MDGA2: variants seen among roughly 807,000 people sequenced by gnomAD.
The protein encoded by MDGA2 is MAM domain containing glycosylphosphatidylinositol anchor 2, also known as MAM domain-containing glycosylphosphatidylinositol anchor protein 2.
Under a neutral mutation model 117.8 loss-of-function variants are expected in MDGA2, and 40 were observed. The observed-to-expected ratio is 0.34, with a 90% CI of 0.26 to 0.44. The LOEUF (loss-of-function observed/expected upper bound fraction) is 0.44. Ranked by LOEUF, MDGA2 falls within the 20% of genes least tolerant of loss-of-function variation. The pLI is 1.00. For missense variants in MDGA2, 1,123 were observed against 1,250.6 expected, an observed-to-expected ratio of 0.90 and a Z score of 1.54; for synonymous variants, 452 against 439.0, an observed-to-expected ratio of 1.03 and a Z score of -0.37.
At chr14:46,862,510 T>C (rs1881552661) in intron 14 of MDGA2, among the ~76,000 whole-genome samples, 2 of 150,520 alleles carry the variant, frequency 1.3e-5, no homozygotes, top group Non-Finnish European at 3.0e-5. Flanking sequence ...CTTTTAATTA[T>C]TGTACTATAA....
At chr14:47,033,069 A>G (rs1414765549) in intron 8 of MDGA2, among the ~76,000 whole-genome samples, 1 of 152,156 alleles carries the variant, frequency 6.6e-6, no homozygotes, top group Non-Finnish European at 1.5e-5. Context: ...TTTTTACTCA[A>G]TTATGTTCAT....
At chr14:46,862,327 G>T (rs1881543252) in intron 14 of MDGA2, among the ~76,000 whole-genome samples, 1 of 151,222 alleles carries the variant, frequency 6.6e-6, no homozygotes, top group South Asian at 2.1e-4. Flanking sequence ...CACAAGTGCT[G>T]TCTTATCTCA....
intron 1 of MDGA2, among the ~76,000 whole-genome samples, chr14:47,456,652 T>A (rs531390962): frequency 5.3e-4 from 81 of 152,146 alleles, no homozygotes; most frequent in African/African-American, 1.9e-3. Context: ...TATAAGATAG[T>A]GGACAAATCA....
chr14:47,350,589 G>A (rs1001024446), intron 1 of MDGA2, among the ~76,000 whole-genome samples: 9 of 152,268 alleles, frequency 5.9e-5, no homozygotes, highest in Admixed American at 1.3e-4. Context: ...GTGTGTGTGC[G>A]CGCACACGTG....
At chr14:47,271,059 A>G (rs1490565342) in intron 2 of MDGA2, among the ~76,000 whole-genome samples, 3 of 152,146 alleles carry the variant, frequency 2.0e-5, no homozygotes, top group Non-Finnish European at 2.9e-5. Flanking sequence ...TCTTGAATGC[A>G]TATGCTCTGC....
intron 1 of MDGA2, among the ~76,000 whole-genome samples, chr14:47,389,239 T>C (rs1247738059): frequency 6.6e-6 from 1 of 152,038 alleles, no homozygotes; most frequent in Admixed American, 6.6e-5. Context: ...ATCCATGAAA[T>C]GAAAAAATAA....
chr14:47,196,998 CATT>C (rs1489453462), intron 3 of MDGA2, among the ~76,000 whole-genome samples: 1 of 152,140 alleles, frequency 6.6e-6, no homozygotes, highest in Non-Finnish European at 1.5e-5. Context: ...GACATGATTT[CATT>C]ATTTTGTATG....
At chr14:47,439,462 T>C (rs1892959628) in intron 1 of MDGA2, among the ~76,000 whole-genome samples, 7 of 152,256 alleles carry the variant, frequency 4.6e-5, no homozygotes, top group Admixed American at 3.3e-4. Flanking sequence ...GAAACATTTG[T>C]AAAATGAATG....
At chr14:47,658,305 T>A (rs552593101) in intron 1 of MDGA2, among the ~76,000 whole-genome samples, 17 of 152,280 alleles carry the variant, frequency 1.1e-4, no homozygotes, top group African/African-American at 3.1e-4. Context: ...TCTTACCTAG[T>A]TCTGGTAGGA....
At chr14:47,419,958 A>T (rs1463265938) in intron 1 of MDGA2, among the ~76,000 whole-genome samples, 1 of 152,118 alleles carries the variant, frequency 6.6e-6, no homozygotes, top group Non-Finnish European at 1.5e-5. Context: ...AGGTAACAAG[A>T]TATAAGCCTT....
intron 3 of MDGA2, among the ~76,000 whole-genome samples, chr14:47,148,738 G>T (rs1883045308): frequency 6.6e-6 from 1 of 152,168 alleles, no homozygotes; most frequent in Non-Finnish European, 1.5e-5. Flanking sequence ...TCTTTCTGGT[G>T]ATTCAGTTGA....
At chr14:47,307,489 T>A (rs1278312034) in intron 1 of MDGA2, among the ~76,000 whole-genome samples, 1 of 152,130 alleles carries the variant, frequency 6.6e-6, no homozygotes, top group Non-Finnish European at 1.5e-5. Context: ...GAGACCAGCC[T>A]GGCTAACATG....
intron 3 of MDGA2, among the ~76,000 whole-genome samples, chr14:47,153,699 AGAAAAGAAAT>A (rs1883251380): frequency 6.6e-6 from 1 of 151,504 alleles, no homozygotes; most frequent in Non-Finnish European, 1.5e-5. Context: ...AAAAAAGAAA[AGAAAAGAAAT>A]AAAAAAAAAA....
intron 1 of MDGA2, among the ~76,000 whole-genome samples, chr14:47,333,118 G>T (rs1890339948): frequency 8.0e-6 from 1 of 125,554 alleles, no homozygotes; most frequent in East Asian, 1.9e-4. Context: ...CCAAATGCAG[G>T]TAACTTTTTG....
intron 1 of MDGA2, among the ~76,000 whole-genome samples, chr14:47,568,181 T>C (rs1895954257): frequency 6.6e-6 from 1 of 152,206 alleles, no homozygotes; most frequent in African/African-American, 2.4e-5. Flanking sequence ...GCTGTCTATA[T>C]AGACTAAAGT....
chr14:47,302,756 C>A (rs1889323859), intron 1 of MDGA2, among the ~76,000 whole-genome samples: 1 of 152,094 alleles, frequency 6.6e-6, no homozygotes, highest in South Asian at 2.1e-4. Flanking sequence ...GAATAGTTTT[C>A]AATATCTACT....
chr14:46,854,836 G>T (rs904049815), intron 15 of MDGA2, among the ~76,000 whole-genome samples, 188 bp downstream of exon 15: 1 of 151,718 alleles, frequency 6.6e-6, no homozygotes, highest in Non-Finnish European at 1.5e-5. Flanking sequence ...GAGTATTAAT[G>T]AATAAAGGAA....
Position 47,251,375 on chromosome 14 carries a change from A to G in MDGA2, c.421-33180T>C, listed in dbSNP as rs566852391. Among the ~76,000 whole-genome samples the G allele has an allele frequency of 2.2e-4, 34 of 152,332 alleles. No individual in the cohort carries two copies. In the South Asian group the frequency reaches 6.6e-3, roughly 30 times the overall value. On this transcript the variant is annotated intron_variant, in intron 2 of 16. Transcript: ENST00000399232. ...TGTTCTCCACTAAAATGTAAGCCTC[A>G]TAAGAGGTTAGACTTGATCCATCTC...
chr14:47,031,747 G>C (rs982828162), intron 8 of MDGA2, among the ~76,000 whole-genome samples: 3 of 152,254 alleles, frequency 2.0e-5, no homozygotes, highest in Admixed American at 6.5e-5. Flanking sequence ...ATTGCGATAG[G>C]ATAGTGTGAG....
Sources: allele counts gnomAD v4.1 joint callset (sites outside exome capture counted in the v4.1 genomes callset), GRCh38; gene constraint gnomAD v4.1.1; transcripts MANE v1.5; gene names NCBI Gene and HGNC (gene_info 2026-07-23, HGNC 2026-07-21).